Variants in TRPM3 observed in about 807,000 individuals in gnomAD.
TRPM3 encodes transient receptor potential cation channel subfamily M member 3.
TRPM3 carries 77 observed loss-of-function variants against 181.2 expected under a neutral mutation model. The observed-to-expected ratio is 0.42, with a 90% CI of 0.35 to 0.51. TRPM3 has a LOEUF of 0.51. Among genes scored for constraint, TRPM3 ranks in the 20% least tolerant of loss-of-function variants. The pLI is 0.01. For synonymous variants in TRPM3, 745 were observed against 796.4 expected (o/e 0.94, Z 1.09); for missense variants, 1,759 against 2,196.7 (o/e 0.80, Z 3.98).
At chr9:70,959,527 T>C (rs777494612) in intron 1 of TRPM3, among the ~76,000 whole-genome samples, 3 of 152,162 alleles carry the variant, frequency 2.0e-5, no homozygotes, top group African/African-American at 4.8e-5. Context: ...AACACAGTCC[T>C]TTTAAAAAGC....
intron 1 of TRPM3, among the ~76,000 whole-genome samples, chr9:71,032,354 G>A (rs936172207): frequency 6.7e-6 from 1 of 150,056 alleles, no homozygotes; most frequent in Admixed American, 6.8e-5. Context: ...TGAAAGATCT[G>A]GACCCACAGG....
intron 1 of TRPM3, among the ~76,000 whole-genome samples, chr9:70,963,254 A>C (rs2097154867): frequency 6.6e-6 from 1 of 152,236 alleles, no homozygotes; most frequent in Non-Finnish European, 1.5e-5. Context: ...CAAGCACCTT[A>C]CAGGCTGCAC....
chr9:70,824,937 T>C (rs1464655365), intron 6 of TRPM3: 1 of 152,238 alleles, frequency 6.6e-6, no homozygotes, highest in Non-Finnish European at 1.5e-5. Context: ...TTTTTGCTGT[T>C]AATTGAATGG....
intron 6 of TRPM3, among the ~76,000 whole-genome samples, chr9:70,800,129 A>AT (rs984003232): frequency 3.9e-5 from 6 of 152,044 alleles, no homozygotes; most frequent in African/African-American, 1.2e-4. Context: ...CTGAAAGACA[A>AT]TTTTTTCTTG....
chr9:70,552,629 A>C (rs2046745090), intron 24 of TRPM3, among the ~76,000 whole-genome samples: 1 of 152,198 alleles, frequency 6.6e-6, no homozygotes, highest in Non-Finnish European at 1.5e-5. Context: ...CATGAGGCTA[A>C]GAGTGCTCAA....
intron 1 of TRPM3, among the ~76,000 whole-genome samples, chr9:71,361,010 G>A (rs1184059573): frequency 6.6e-6 from 1 of 152,104 alleles, no homozygotes; most frequent in Non-Finnish European, 1.5e-5. Flanking sequence ...ATTTTCAGAT[G>A]GAGTCTTGCC....
chr9:71,223,967 C>T (rs1165086326), intron 1 of TRPM3, among the ~76,000 whole-genome samples: 1 of 152,228 alleles, frequency 6.6e-6, no homozygotes. Flanking sequence ...AGGAACTTGC[C>T]ACCCTAAAGG....
intron 1 of TRPM3, among the ~76,000 whole-genome samples, chr9:71,411,508 C>T (rs1379846185): frequency 6.6e-6 from 1 of 152,140 alleles, no homozygotes; most frequent in African/African-American, 2.4e-5. Flanking sequence ...ACAATTGCTT[C>T]AAAGAGAATA....
intron 17 of TRPM3, among the ~76,000 whole-genome samples, chr9:70,616,442 A>G (rs1287485686): frequency 6.6e-6 from 1 of 151,968 alleles, no homozygotes; most frequent in Non-Finnish European, 1.5e-5. Flanking sequence ...AAGAATTCAG[A>G]TTTACATTTA....
Position 70,640,571 on chromosome 9 carries a change from G to A in TRPM3, c.1435C>T (p.Gln479Ter). ...IARSQIFIYGQQWPVGSLEQA... is the reference protein window; with the variant it reads ...IARSQIFIYG ...GATATATACTCTACCGGCCACTGTT[G>A]CCCGTAAATAAAGATCTGGCTGCGA... Residue 479 changes from glutamine (Q) to a stop codon, truncating the protein, a stop_gained, in exon 10 of 26, where the codon CAA (glutamine) becomes TAA (stop). Transcript: ENST00000677713. LOFTEE classifies it high-confidence loss of function. 6.2e-7 allele frequency: 1 copy of A among 1,613,156 alleles called. No homozygotes were observed. Among genetic ancestry groups the A allele is most frequent in the Non-Finnish European group, 8.5e-7 (1 of 1,179,578 alleles).
intron 1 of TRPM3, among the ~76,000 whole-genome samples, chr9:71,225,619 T>A (rs1373161782): frequency 1.3e-5 from 2 of 152,166 alleles, no homozygotes; most frequent in Admixed American, 6.5e-5. Flanking sequence ...ACTACTCATA[T>A]CTTAAGTAAA....
chr9:70,887,941 C>T (rs1297067232), intron 1 of TRPM3, among the ~76,000 whole-genome samples: 1 of 152,118 alleles, frequency 6.6e-6, no homozygotes, highest in Non-Finnish European at 1.5e-5. Context: ...AGTGTGAATG[C>T]CCTAATTGGT....
chr9:70,834,595 G>C (rs867656192), intron 5 of TRPM3, among the ~76,000 whole-genome samples: 13 of 152,298 alleles, frequency 8.5e-5, no homozygotes, highest in Admixed American at 2.6e-4. Context: ...GTTATAAAAG[G>C]GTTTCTCTTA....
intron 1 of TRPM3, among the ~76,000 whole-genome samples, chr9:71,079,553 T>A (rs920775026): frequency 1.3e-5 from 2 of 152,198 alleles, no homozygotes; most frequent in African/African-American, 4.8e-5. Context: ...CTAAAGTCCC[T>A]TTCATCTTGC....
intron 1 of TRPM3, among the ~76,000 whole-genome samples, chr9:70,932,605 G>C (rs556646525): frequency 6.6e-6 from 1 of 152,158 alleles, no homozygotes; most frequent in Non-Finnish European, 1.5e-5. Flanking sequence ...CTCTTCCAAA[G>C]AAGAGTTATA....
At chr9:70,644,078 A>T (rs1208945344) in intron 9 of TRPM3, among the ~76,000 whole-genome samples, 2 of 152,188 alleles carry the variant, frequency 1.3e-5, no homozygotes, top group Admixed American at 1.3e-4. Flanking sequence ...TCATCAACAG[A>T]TATTTATTGA....
At chr9:70,872,933 C>T (rs1330661365) in intron 1 of TRPM3, among the ~76,000 whole-genome samples, 3 of 151,828 alleles carry the variant, frequency 2.0e-5, no homozygotes, top group African/African-American at 7.3e-5. Context: ...CCTAAAAATG[C>T]CCAGATAAGC....
intron 1 of TRPM3, among the ~76,000 whole-genome samples, chr9:70,923,784 A>AACACACAC (rs34727893): frequency 2.1e-4 from 28 of 133,792 alleles, no homozygotes; most frequent in African/African-American, 7.1e-4. Context: ...CAACACAAAT[A>AACACACAC]ACACACACAC....
chr9:71,180,648 T>G (rs2077349326), intron 1 of TRPM3, among the ~76,000 whole-genome samples: 1 of 152,162 alleles, frequency 6.6e-6, no homozygotes, highest in Admixed American at 6.5e-5. Flanking sequence ...TGTGAGGATG[T>G]GCAGATCCAC....
Sources: gnomAD v4.1 joint callset for allele counts (sites outside exome capture counted in the v4.1 genomes callset) on GRCh38, gnomAD v4.1.1 for gene constraint, MANE v1.5 for transcripts, NCBI Gene and HGNC (gene_info 2026-07-23, HGNC 2026-07-21) for gene names.